ACTR3C: variants seen among roughly 807,000 people sequenced by gnomAD.
ACTR3C encodes the protein actin-related protein 3C.
Under a neutral mutation model 26.3 loss-of-function variants are expected in ACTR3C, and 18 were observed. That is an observed-to-expected ratio of 0.68 (90% CI 0.47 to 1.01). ACTR3C has a LOEUF of 1.01. ACTR3C is among the 50% of genes least tolerant of loss of function. ACTR3C has a pLI of 0.00. For synonymous variants in ACTR3C, 55 were observed against 94.5 expected (o/e 0.58, Z 2.42); for missense variants, 184 against 250.7 (o/e 0.73, Z 1.80).
At chr7:149,970,736 T>C in the ACTR3C span, among the ~76,000 whole-genome samples, 1 of 152,230 alleles carries the variant, frequency 6.6e-6, no homozygotes, top group Non-Finnish European at 1.5e-5. Context: ...GGACCATTTC[T>C]AGACAGTTTT....
chr7:150,161,222 A>ATATATATTTATT, the ACTR3C span, among the ~76,000 whole-genome samples: 61 of 120,410 alleles, frequency 5.1e-4, no homozygotes, highest in African/African-American at 1.8e-3. Flanking sequence ...ATATATATAT[A>ATATATATTTATT]TATTTATTAT....
chr7:150,039,971 C>T, the ACTR3C span, among the ~76,000 whole-genome samples: 1,473 of 135,872 alleles, frequency 0.011, 47 homozygotes, highest in African/African-American at 0.038. Flanking sequence ...GTCCCCGCCT[C>T]GCGGGGATTG....
At chr7:149,997,954 C>A in the ACTR3C span, among the ~76,000 whole-genome samples, 10 of 150,426 alleles carry the variant, frequency 6.6e-5, no homozygotes, top group African/African-American at 2.4e-4. Flanking sequence ...TTTACTAGTG[C>A]AAGTATCATT....
chr7:150,029,403 CA>C, the ACTR3C span, among the ~76,000 whole-genome samples: 3,158 of 41,392 alleles, frequency 0.076, 91 homozygotes, highest in African/African-American at 0.14. Flanking sequence ...TTATCAAAAA[CA>C]AAAAAAAAAA....
At chr7:150,142,156 G>A in the ACTR3C span, among the ~76,000 whole-genome samples, 3 of 152,144 alleles carry the variant, frequency 2.0e-5, no homozygotes, top group African/African-American at 2.4e-5. Flanking sequence ...CTCTTGGCTC[G>A]ACCTGCAAGT....
chr7:150,035,387 G>A, the ACTR3C span, among the ~76,000 whole-genome samples: 67 of 37,392 alleles, frequency 1.8e-3, 1 homozygote, highest in Middle Eastern at 0.014. Flanking sequence ...CCCCTCGTGC[G>A]ATGGGGGTCC....
At chr7:150,047,874 G>A in the ACTR3C span, 1 of 1,469,994 alleles carries the variant, frequency 6.8e-7, no homozygotes, top group East Asian at 2.8e-5. Context: ...CGCTCCTGCT[G>A]GCTGTCTTTA....
chr7:150,022,407 C>T, the ACTR3C span, among the ~76,000 whole-genome samples: 54 of 151,418 alleles, frequency 3.6e-4, no homozygotes, highest in Non-Finnish European at 6.6e-4. Flanking sequence ...TATTTTCTCC[C>T]GCTTTGACAA....
rs966884852 is a variant in ACTR3C at position 150,272,312 on chromosome 7, C to T, written c.564+12441G>A. 4.3e-5 allele frequency among the ~76,000 whole-genome samples: 6 copies of T among 139,288 alleles called. 1 individual carries two copies. Among genetic ancestry groups the T allele is most frequent in the African/African-American group, 1.8e-4 (6 of 32,450 alleles). The allele number at this position is 139,288 out of a possible 152,430, so 91.4% of individuals were successfully genotyped here. On this transcript the variant is annotated intron_variant, in intron 6 of 7. Coordinates refer to ENST00000683684, the MANE Select transcript of ACTR3C (RefSeq NM_001164458.2). ...GGGATCAGGAGAGAAGAGACTGTCC[C>T]CACTTATTTTCTTAGTACCCCTTCT...
At chr7:150,063,492 G>T in the ACTR3C span, among the ~76,000 whole-genome samples, 5 of 151,238 alleles carry the variant, frequency 3.3e-5, no homozygotes, top group African/African-American at 4.9e-5. Flanking sequence ...TCTCCTCTCT[G>T]GTTCCTGGGA....
the ACTR3C span, among the ~76,000 whole-genome samples, chr7:150,183,096 GA>G: frequency 3.3e-5 from 5 of 150,778 alleles, no homozygotes; most frequent in African/African-American, 1.2e-4. Context: ...GTTTGTTGAT[GA>G]ACTTTAATTT....
At chr7:150,226,900 T>C in the ACTR3C span, among the ~76,000 whole-genome samples, 5 of 152,202 alleles carry the variant, frequency 3.3e-5, no homozygotes, top group African/African-American at 1.2e-4. Context: ...TTAAGAGTTG[T>C]TTATTAAATA....
chr7:149,978,970 G>A, the ACTR3C span, among the ~76,000 whole-genome samples: 1 of 151,904 alleles, frequency 6.6e-6, no homozygotes, highest in African/African-American at 2.4e-5. Flanking sequence ...TACCGTGAGC[G>A]GAAAATCCCT....
At chr7:149,910,603 C>G in the ACTR3C span, among the ~76,000 whole-genome samples, 2 of 152,068 alleles carry the variant, frequency 1.3e-5, no homozygotes, top group Admixed American at 1.3e-4. Flanking sequence ...TCTGGACAAC[C>G]AAGCCGTCAT....
the ACTR3C span, among the ~76,000 whole-genome samples, chr7:150,158,963 G>A: frequency 5.2e-3 from 504 of 97,542 alleles, 4 homozygotes; most frequent in African/African-American, 0.02. Flanking sequence ...AGGTACACAC[G>A]TGCGCACACA....
the ACTR3C span, among the ~76,000 whole-genome samples, chr7:149,899,614 A>AAAAAAAC: frequency 6.8e-6 from 1 of 147,572 alleles, no homozygotes; most frequent in Admixed American, 6.8e-5. Context: ...AAAAAAAAAA[A>AAAAAAAC]CAGAGCCCAG....
chr7:150,287,573 C>T (rs1481399057), intron 4 of ACTR3C, among the ~76,000 whole-genome samples: 1 of 152,212 alleles, frequency 6.6e-6, no homozygotes, highest in African/African-American at 2.4e-5. Flanking sequence ...AGGTGGGCCG[C>T]CCAGCTGGCG....
chr7:149,953,612 G>C, the ACTR3C span, among the ~76,000 whole-genome samples: 2 of 152,240 alleles, frequency 1.3e-5, no homozygotes, highest in East Asian at 3.9e-4. Flanking sequence ...TCAGGATTGG[G>C]AACGGTCAGA....
the ACTR3C span, among the ~76,000 whole-genome samples, chr7:150,149,009 C>T: frequency 8.4e-3 from 1,242 of 147,976 alleles, 19 homozygotes; most frequent in African/African-American, 0.03. Flanking sequence ...CTTTTGCCAC[C>T]GTGATGGGCA....
Sources: allele counts gnomAD v4.1 joint callset (sites outside exome capture counted in the v4.1 genomes callset), GRCh38; gene constraint gnomAD v4.1.1; transcripts MANE v1.5; gene names NCBI Gene and HGNC (gene_info 2026-07-23, HGNC 2026-07-21).